The following LRRFIP1 variants were observed in gnomAD, a reference collection of about 807,000 sequenced individuals.
The protein encoded by LRRFIP1 is leucine-rich repeat flightless-interacting protein 1.
Under a neutral mutation model 104.4 loss-of-function variants are expected in LRRFIP1, and 62 were observed. That is an observed-to-expected ratio of 0.59 (90% CI 0.48 to 0.73). LRRFIP1 has a LOEUF of 0.73. Among genes scored for constraint, LRRFIP1 ranks in the 30% least tolerant of loss-of-function variants. The pLI is 0.00. For synonymous variants in LRRFIP1, 300 were observed against 299.0 expected (o/e 1.00, Z -0.03); for missense variants, 796 against 824.5 (o/e 0.97, Z 0.42).
intron 1 of LRRFIP1, among the ~76,000 whole-genome samples, chr2:237,707,048 GT>G (rs1559611713): frequency 6.6e-6 from 1 of 152,174 alleles, no homozygotes; most frequent in Non-Finnish European, 1.5e-5. Flanking sequence ...AAGACATGGG[GT>G]GGGTTGATAA....
At chr2:237,680,910 G>A (rs533678788) in intron 1 of LRRFIP1, among the ~76,000 whole-genome samples, 1 of 152,338 alleles carries the variant, frequency 6.6e-6, no homozygotes, top group East Asian at 1.9e-4. Context: ...GAGCCCAAGA[G>A]GTGGAGGCTG....
chr2:237,736,917 G>C, intron 10 of LRRFIP1, among the ~76,000 whole-genome samples: 1 of 152,192 alleles, frequency 6.6e-6, no homozygotes, highest in Non-Finnish European at 1.5e-5. Context: ...GTTTACAGGA[G>C]GGCCTTGGGA....
chr2:237,702,179 C>G (rs1363976415), intron 1 of LRRFIP1, among the ~76,000 whole-genome samples: 1 of 152,192 alleles, frequency 6.6e-6, no homozygotes, highest in Admixed American at 6.5e-5. Flanking sequence ...ACCGTACACA[C>G]CACCTCCCTA....
rs764256243 is a variant in LRRFIP1, at chr2:237,719,505, CTG to C, written c.250-16_250-15del. The C allele has an allele frequency of 1.2e-6, 2 of 1,608,326 alleles. No individual in the cohort carries two copies. The highest frequency in any genetic ancestry group is 3.3e-5 in the Admixed American group (2 of 59,900). On this transcript the variant is annotated splice_polypyrimidine_tract_variant and intron_variant, in intron 4 of 23. Coordinates refer to ENST00000308482, the MANE Select transcript of LRRFIP1 (RefSeq NM_001137550.2). ...TCCATCTGTCTCTAACCTTTTCATG[CTG>C]TTTCTTCATTGTTAGGAAGACAGTG...
intron 19 of LRRFIP1, chr2:237,763,261 A>C: frequency 6.2e-7 from 1 of 1,614,206 alleles, no homozygotes; most frequent in South Asian, 1.1e-5. Flanking sequence ...CAATCAAGAC[A>C]GAAGTTCCTG....
chr2:237,636,946 G>T (rs2083204580), intron 1 of LRRFIP1, among the ~76,000 whole-genome samples: 1 of 152,208 alleles, frequency 6.6e-6, no homozygotes, highest in Non-Finnish European at 1.5e-5. Context: ...GGTGCCTGCA[G>T]GTGGAGTTTT....
chr2:237,730,133 A>G (rs903370), intron 8 of LRRFIP1, among the ~76,000 whole-genome samples: 19,234 of 152,162 alleles, frequency 0.13, 2,788 homozygotes, highest in African/African-American at 0.36. Context: ...ATTAGAATTA[A>G]TCAAAAGGAA....
At chr2:237,722,667 G>A (rs1048400832) in intron 6 of LRRFIP1, among the ~76,000 whole-genome samples, 5 of 152,172 alleles carry the variant, frequency 3.3e-5, no homozygotes, top group Non-Finnish European at 5.9e-5. Flanking sequence ...TACTTGATCT[G>A]AAGAAATATA....
intron 11 of LRRFIP1, among the ~76,000 whole-genome samples, chr2:237,746,966 C>T (rs954242002): frequency 6.6e-6 from 1 of 152,240 alleles, no homozygotes; most frequent in Admixed American, 6.5e-5. Flanking sequence ...GGGATGTGGC[C>T]TCTCTGCCCC....
rs771732496 is a variant in LRRFIP1 at position 237,766,157 on chromosome 2, T to C, written c.1460-3786T>C. ...GTCACGCACCATCCCCTGTGATCTGTGGTTCTGATGTGCAGCCTCAGCTGA... is the reference window on the plus strand; with the variant it reads ...GTCACGCACCATCCCCTGTGATCTGCGGTTCTGATGTGCAGCCTCAGCTGA... On this transcript the variant is annotated intron_variant, in intron 19 of 23. Transcript: ENST00000308482. This position sits in a 1 kb window ranked among gnomAD's most constrained non-coding sequence, Gnocchi z 4.8. 3.3e-5 allele frequency among the ~76,000 whole-genome samples: 5 copies of C among 152,120 alleles called. No homozygotes were observed. The highest frequency in any genetic ancestry group is 7.4e-5 in the Non-Finnish European group (5 of 68,020).
chr2:237,779,363 C>G, intron 23 of LRRFIP1, 59 bp from the exon 24 acceptor site: 1 of 1,583,624 alleles, frequency 6.3e-7, no homozygotes, highest in Non-Finnish European at 8.6e-7. Flanking sequence ...AACACAGAAC[C>G]CTGTTATGTT....
At chr2:237,723,669 A>C in intron 7 of LRRFIP1, 83 bp downstream of exon 7, 67 of 1,540,712 alleles carry the variant, frequency 4.3e-5, no homozygotes, top group Non-Finnish European at 5.4e-5. Context: ...CACGAATCTC[A>C]TGGGTGCTTT....
At chr2:237,772,030 G>C (rs1369701628) in intron 20 of LRRFIP1, 51 bp from the exon 21 acceptor site, 2 of 1,339,958 alleles carry the variant, frequency 1.5e-6, no homozygotes, top group Non-Finnish European at 2.1e-6. Flanking sequence ...CAGCTTTTCG[G>C]TCTCATTCAG....
chr2:237,772,365 GGTGTT>G, intron 21 of LRRFIP1, 167 bp downstream of exon 21: 1 of 585,130 alleles, frequency 1.7e-6, no homozygotes. Flanking sequence ...ACAGAACAAT[GGTGTT>G]TCTCTCTGAG....
intron 1 of LRRFIP1, among the ~76,000 whole-genome samples, chr2:237,659,349 A>G (rs1575210669): frequency 6.6e-6 from 1 of 150,508 alleles, no homozygotes; most frequent in African/African-American, 2.4e-5. Flanking sequence ...TCCTGCCCCG[A>G]CCTCCCAAAG....
intron 1 of LRRFIP1, among the ~76,000 whole-genome samples, chr2:237,642,089 G>A (rs192422750): frequency 2.3e-3 from 349 of 152,310 alleles, no homozygotes; most frequent in African/African-American, 6.5e-3. Flanking sequence ...TCAGACAAGC[G>A]ACAAGCATCT....
In LRRFIP1 at chr2:237,640,667, C is replaced by T. The variant is rs114032087; in HGVS notation, c.96+12927C>T. Reference sequence around the variant, plus strand: ...CCCGTAAAAGCACATTGCCGAACTTCTTAAAATAGATGACCAGATCATTGT... The same window carrying T: ...CCCGTAAAAGCACATTGCCGAACTTTTTAAAATAGATGACCAGATCATTGT... On this transcript the variant is annotated intron_variant, in intron 1 of 23. Coordinates refer to ENST00000308482, the MANE Select transcript of LRRFIP1 (RefSeq NM_001137550.2). Among the ~76,000 whole-genome samples the T allele has an allele frequency of 7.3e-3, 1,105 of 152,340 alleles. 10 individuals carry two copies. The highest frequency in any genetic ancestry group is 0.025 in the African/African-American group (1,021 of 41,574).
chr2:237,701,819 CAT>C (rs2093549528), intron 1 of LRRFIP1, among the ~76,000 whole-genome samples: 1 of 152,242 alleles, frequency 6.6e-6, no homozygotes, highest in Non-Finnish European at 1.5e-5. Flanking sequence ...CACCTCCTAA[CAT>C]GTGCTTTTAT....
At chr2:237,678,415 G>T (rs1049513380) in intron 1 of LRRFIP1, among the ~76,000 whole-genome samples, 5 of 152,158 alleles carry the variant, frequency 3.3e-5, no homozygotes, top group Admixed American at 6.5e-5. Context: ...GGTGGGGAGG[G>T]GCTGGTGTGT....
Sources: allele counts gnomAD v4.1 joint callset (sites outside exome capture counted in the v4.1 genomes callset), GRCh38; gene constraint gnomAD v4.1.1; non-coding constraint Gnocchi (gnomAD v3.1); transcripts MANE v1.5; gene names NCBI Gene and HGNC (gene_info 2026-07-23, HGNC 2026-07-21).